Variants in LRRC4C observed in about 807,000 individuals in gnomAD.
LRRC4C encodes the protein leucine-rich repeat-containing protein 4C.
LRRC4C carries 5 observed loss-of-function variants against 33.6 expected under a neutral mutation model. That is an observed-to-expected ratio of 0.15 (90% CI 0.08 to 0.31). The LOEUF is 0.31. Ranked by LOEUF, LRRC4C falls within the 10% of genes least tolerant of loss-of-function variation. LRRC4C has a pLI of 1.00. For synonymous variants in LRRC4C, 329 were observed against 302.0 expected, an observed-to-expected ratio of 1.09 and a Z score of -0.93; for missense variants, 560 against 796.7, an observed-to-expected ratio of 0.70 and a Z score of 3.58.
intron 2 of LRRC4C, among the ~76,000 whole-genome samples, chr11:40,876,444 G>C (rs1954897399): frequency 6.6e-6 from 1 of 151,776 alleles, no homozygotes; most frequent in Non-Finnish European, 1.5e-5. Context: ...GTTCCAGTTT[G>C]GCTTCGAATG....
At chr11:40,978,471 T>C (rs1407971100) in intron 1 of LRRC4C, among the ~76,000 whole-genome samples, 1 of 152,168 alleles carries the variant, frequency 6.6e-6, no homozygotes, top group Non-Finnish European at 1.5e-5. Flanking sequence ...GCTACTGTTT[T>C]CTAGTAGGTA....
At chr11:41,028,197 T>C (rs1213955664) in intron 1 of LRRC4C, among the ~76,000 whole-genome samples, 2 of 151,610 alleles carry the variant, frequency 1.3e-5, no homozygotes, top group Non-Finnish European at 3.0e-5. Context: ...GATTAAAATA[T>C]AAATATTTAA....
chr11:41,141,738 T>C (rs1943516167), intron 1 of LRRC4C, among the ~76,000 whole-genome samples: 1 of 152,134 alleles, frequency 6.6e-6, no homozygotes, highest in Admixed American at 6.5e-5. Context: ...GTAAGTTTCC[T>C]GAGGACTCCC....
At chr11:40,533,417 A>C (rs1278899168) in intron 3 of LRRC4C, among the ~76,000 whole-genome samples, 1 of 152,072 alleles carries the variant, frequency 6.6e-6, no homozygotes, top group Non-Finnish European at 1.5e-5. Flanking sequence ...CCAATACGTC[A>C]TGATTATTTG....
rs1956186814 is a variant in LRRC4C at position 41,456,914 on chromosome 11, G to A, written c.-496+2517C>T. ...AGTTACAGTTGTGCAAACACCATCA[G>A]GAACCCTTGAGATATGGGAGAAATG... On this transcript the variant is annotated intron_variant, in intron 1 of 6. Coordinates refer to ENST00000528697, the MANE Select transcript of LRRC4C (RefSeq NM_001258419.2). Among the ~76,000 whole-genome samples, 6 of 152,138 alleles carry A rather than the reference G, an allele frequency of 3.9e-5. No individual in the cohort carries two copies. In the South Asian group the frequency reaches 1.0e-3, roughly 26 times the overall value.
chr11:40,674,475 T>C (rs1238922393), intron 2 of LRRC4C, among the ~76,000 whole-genome samples: 1 of 152,176 alleles, frequency 6.6e-6, no homozygotes, highest in Non-Finnish European at 1.5e-5. Context: ...TATTGTCCAA[T>C]CAGAATGGAT....
Position 40,702,871 on chromosome 11 carries a change from C to A in LRRC4C, c.-406-54593G>T, listed in dbSNP as rs1253523621. Among the ~76,000 whole-genome samples, 4 of 152,042 alleles carry A rather than the reference C, an allele frequency of 2.6e-5. No homozygotes were observed. In the East Asian group the frequency reaches 7.7e-4, roughly 29 times the overall value. Reference sequence around the variant, plus strand: ...ATCTTTGGACCCCACTCCTTCATCCCCCTGTGTGAAAAGGATTTAAAAGTC... The same window carrying A: ...ATCTTTGGACCCCACTCCTTCATCCACCTGTGTGAAAAGGATTTAAAAGTC... On this transcript the variant is annotated intron_variant, in intron 2 of 6. Coordinates refer to ENST00000528697, the MANE Select transcript of LRRC4C (RefSeq NM_001258419.2).
chr11:40,336,850 G>C (rs1037432645), intron 3 of LRRC4C, among the ~76,000 whole-genome samples: 1 of 151,584 alleles, frequency 6.6e-6, no homozygotes, highest in African/African-American at 2.4e-5. Flanking sequence ...GGCGGGGGGC[G>C]CCTGTAGTCC....
intron 4 of LRRC4C, among the ~76,000 whole-genome samples, chr11:40,283,691 T>A (rs903987700): frequency 2.2e-4 from 26 of 119,214 alleles, no homozygotes; most frequent in African/African-American, 7.6e-4. Flanking sequence ...GAGGTCCATA[T>A]TCTTTTTTTT....
intron 1 of LRRC4C, among the ~76,000 whole-genome samples, chr11:40,959,327 C>T (rs1243359127): frequency 6.6e-6 from 1 of 151,542 alleles, no homozygotes; most frequent in Admixed American, 6.6e-5. Flanking sequence ...CTAGTTTGTC[C>T]AGAATATTCC....
chr11:40,411,576 G>A (rs1383401200), intron 3 of LRRC4C, among the ~76,000 whole-genome samples: 1 of 151,996 alleles, frequency 6.6e-6, no homozygotes, highest in Non-Finnish European at 1.5e-5. Context: ...AGTGCTGAAT[G>A]GATAGTGTGG....
At chr11:41,386,884 C>G (rs1183059583) in intron 1 of LRRC4C, among the ~76,000 whole-genome samples, 1 of 151,598 alleles carries the variant, frequency 6.6e-6, no homozygotes, top group African/African-American at 2.4e-5. Flanking sequence ...TGTCTTTATT[C>G]CTTTGTGTAA....
intron 1 of LRRC4C, among the ~76,000 whole-genome samples, chr11:41,428,014 C>T (rs1341175178): frequency 1.3e-5 from 2 of 152,068 alleles, no homozygotes; most frequent in African/African-American, 4.8e-5. Flanking sequence ...CCCCTATCTC[C>T]CTTCGCTGAC....
chr11:40,300,542 TAC>T (rs1237456957), intron 4 of LRRC4C, among the ~76,000 whole-genome samples: 1 of 152,202 alleles, frequency 6.6e-6, no homozygotes, highest in East Asian at 1.9e-4. Context: ...GCTTTTGAAA[TAC>T]AGTCATTCCT....
intron 1 of LRRC4C, among the ~76,000 whole-genome samples, chr11:41,407,002 G>A (rs1954266861): frequency 6.6e-6 from 1 of 152,108 alleles, no homozygotes; most frequent in Non-Finnish European, 1.5e-5. Flanking sequence ...TAATTACAGT[G>A]TGGTAAAGGT....
At chr11:40,532,163 G>T (rs1327688806) in intron 3 of LRRC4C, among the ~76,000 whole-genome samples, 1 of 151,100 alleles carries the variant, frequency 6.6e-6, no homozygotes, top group African/African-American at 2.4e-5. Flanking sequence ...GGTATGTATT[G>T]TAGCTAGTAA....
chr11:41,389,019 GC>G (rs1162623443), intron 1 of LRRC4C, among the ~76,000 whole-genome samples: 4 of 151,848 alleles, frequency 2.6e-5, no homozygotes, highest in African/African-American at 9.6e-5. Flanking sequence ...CTACAGTCTG[GC>G]TAGGAAGGGA....
At chr11:40,137,163 C>T (rs1347199712) in intron 6 of LRRC4C, among the ~76,000 whole-genome samples, 1 of 147,682 alleles carries the variant, frequency 6.8e-6, no homozygotes, top group Admixed American at 6.8e-5. Flanking sequence ...CACGTGGGCA[C>T]GTGTGTGTGT....
chr11:40,585,627 C>T (rs1382585732), intron 3 of LRRC4C, among the ~76,000 whole-genome samples: 3 of 114,468 alleles, frequency 2.6e-5, no homozygotes, highest in African/African-American at 6.6e-5. Flanking sequence ...CCCCCCTCCC[C>T]CCACCCCACA....
Sources: allele counts gnomAD v4.1 joint callset (sites outside exome capture counted in the v4.1 genomes callset), GRCh38; gene constraint gnomAD v4.1.1; transcripts MANE v1.5; gene names NCBI Gene and HGNC (gene_info 2026-07-23, HGNC 2026-07-21).